PCDHGB5: variants seen among roughly 807,000 people sequenced by gnomAD.
PCDHGB5 encodes protocadherin gamma-B5.
A neutral mutation model predicts 62.9 loss-of-function variants in PCDHGB5; 48 were observed. The ratio of observed to expected loss-of-function variants is 0.76; its 90% confidence interval spans 0.61 to 0.97. The LOEUF (loss-of-function observed/expected upper bound fraction) is 0.97. Ranked by LOEUF, PCDHGB5 falls within the 50% of genes least tolerant of loss-of-function variation. PCDHGB5 has a pLI of 0.00. For synonymous variants in PCDHGB5, 474 were observed against 511.2 expected (o/e 0.93, Z 0.98); for missense variants, 1,118 against 1,198.6 (o/e 0.93, Z 0.99).
intron 1 of PCDHGB5, among the ~76,000 whole-genome samples, chr5:141,453,492 G>T (rs1046043468): frequency 6.6e-6 from 1 of 152,000 alleles, no homozygotes; most frequent in Non-Finnish European, 1.5e-5. Flanking sequence ...AAAAAAAGGT[G>T]TACTCAGAAA....
intron 1 of PCDHGB5, among the ~76,000 whole-genome samples, chr5:141,434,703 G>C (rs1198306104): frequency 6.6e-6 from 1 of 151,730 alleles, no homozygotes; most frequent in Non-Finnish European, 1.5e-5. Context: ...TAAATATGTG[G>C]GTAAATCTCT....
At position 141,400,963 on chromosome 5, in the gene PCDHGB5, ATC is replaced by A. The variant is rs563949563; in HGVS notation, c.2397+443_2397+444del. ...TTCACTGATTTCACTGGTAGTTTTC[ATC>A]TCTTTCTTATGTTCCTCATATATGC... is the stretch of plus-strand genomic sequence containing the variant. On this transcript the variant is annotated intron_variant, in intron 1 of 3. Coordinates refer to ENST00000617380, the MANE Select transcript of PCDHGB5 (RefSeq NM_018925.3). 3.8e-3 allele frequency among the ~76,000 whole-genome samples: 582 copies of A among 152,338 alleles called. 6 individuals carry two copies. Among genetic ancestry groups the A allele is most frequent in the Admixed American group, 0.011 (171 of 15,304 alleles).
intron 1 of PCDHGB5, chr5:141,428,630 C>T: frequency 5.4e-6 from 1 of 185,692 alleles, no homozygotes; most frequent in Non-Finnish European, 1.1e-5. Context: ...AGCTCTAACT[C>T]TGTTGCTCCT....
At chr5:141,461,820 A>AT (rs1458631685) in intron 1 of PCDHGB5, among the ~76,000 whole-genome samples, 5 of 147,814 alleles carry the variant, frequency 3.4e-5, no homozygotes, top group African/African-American at 7.5e-5. Context: ...CACCCAGCTA[A>AT]TTTTTTTTTC....
chr5:141,449,040 C>A (rs1333983931), intron 1 of PCDHGB5, among the ~76,000 whole-genome samples: 2 of 152,126 alleles, frequency 1.3e-5, no homozygotes, highest in Non-Finnish European at 2.9e-5. Flanking sequence ...GGATTATTAA[C>A]CAGTCTCATA....
At chr5:141,456,224 A>ACT (rs1167290500) in intron 1 of PCDHGB5, among the ~76,000 whole-genome samples, 1 of 152,034 alleles carries the variant, frequency 6.6e-6, no homozygotes, top group Non-Finnish European at 1.5e-5. Context: ...GCGATATCAA[A>ACT]CTAACTGCTG....
chr5:141,422,140 C>T (rs1275997338), intron 1 of PCDHGB5: 15 of 1,586,774 alleles, frequency 9.5e-6, no homozygotes, highest in Non-Finnish European at 1.3e-5. Flanking sequence ...AGTTCAAGTA[C>T]GGGGGTCTCT....
At chr5:141,401,721 C>T (rs2094186897) in intron 1 of PCDHGB5, among the ~76,000 whole-genome samples, 1 of 152,142 alleles carries the variant, frequency 6.6e-6, no homozygotes, top group Non-Finnish European at 1.5e-5. Flanking sequence ...AAGACAAAAA[C>T]TACTAGTCTT....
Position 141,511,464 on chromosome 5 carries a change from C to G in PCDHGB5, c.*291C>G. 1.9e-6 allele frequency: 1 copy of G among 538,254 alleles called. No individual in the cohort carries two copies. The highest frequency in any genetic ancestry group is 2.1e-5 in the South Asian group (1 of 47,028). The allele number at this position is 538,254 out of a possible 1,614,324, so 33.3% of individuals were successfully genotyped here. On this transcript the variant is annotated 3_prime_UTR_variant, in exon 4 of 4. Transcript: ENST00000617380. ...ACACCAAGAACCATTTGCCACACCC[C>G]GTTTAGTTACAGCTGAACTCCTCCA...
chr5:141,466,415 C>T (rs995296505), intron 1 of PCDHGB5, among the ~76,000 whole-genome samples: 6 of 152,136 alleles, frequency 3.9e-5, no homozygotes, highest in Non-Finnish European at 8.8e-5. Context: ...ATTTTTCAGT[C>T]AGAATTGTGT....
intron 1 of PCDHGB5, among the ~76,000 whole-genome samples, chr5:141,424,839 A>G (rs1264853498): frequency 6.6e-6 from 1 of 152,198 alleles, no homozygotes; most frequent in Non-Finnish European, 1.5e-5. Context: ...CATACATGTT[A>G]TCTGAAGCAA....
intron 1 of PCDHGB5, among the ~76,000 whole-genome samples, chr5:141,401,210 C>T (rs1038078572): frequency 3.9e-5 from 6 of 151,956 alleles, no homozygotes; most frequent in Non-Finnish European, 5.9e-5. Flanking sequence ...GGTGTGGTGG[C>T]GGGCGCCTGT....
intron 3 of PCDHGB5, among the ~76,000 whole-genome samples, chr5:141,509,596 G>A (rs538867815): frequency 1.3e-5 from 2 of 152,258 alleles, no homozygotes; most frequent in Admixed American, 6.5e-5. Context: ...TGGCAATTCC[G>A]AGAGGCTGCA....
At chr5:141,454,344 G>A (rs1455147295) in intron 1 of PCDHGB5, among the ~76,000 whole-genome samples, 3 of 152,236 alleles carry the variant, frequency 2.0e-5, no homozygotes, top group Non-Finnish European at 4.4e-5. Flanking sequence ...AATGTTGGAA[G>A]TTGATCCAAA....
rs759220286 is a variant in PCDHGB5 at position 141,490,018 on chromosome 5, C to G, written c.2398-4789C>G. The G allele has an allele frequency of 6.2e-7, 1 of 1,614,252 alleles. No individual in the cohort carries two copies. Among genetic ancestry groups the G allele is most frequent in the Non-Finnish European group, 8.5e-7 (1 of 1,180,038 alleles). ...CCCAGAGAATGCACCCATTGGTACTCTGCTGCTCCGCCTCAATGCCACTGA... is the reference window on the plus strand; with the variant it reads ...CCCAGAGAATGCACCCATTGGTACTGTGCTGCTCCGCCTCAATGCCACTGA... On this transcript the variant is annotated intron_variant, in intron 1 of 3. Transcript: ENST00000617380. This position sits in a 1 kb window ranked among gnomAD's most constrained non-coding sequence, Gnocchi z 5.4.
At chr5:141,495,719 C>T (rs929450759) in intron 2 of PCDHGB5, among the ~76,000 whole-genome samples, 12 of 152,150 alleles carry the variant, frequency 7.9e-5, no homozygotes, top group African/African-American at 2.4e-5. Context: ...AGTAACTACA[C>T]GGGACCCTTA....
At chr5:141,409,919 G>T (rs774277848) in intron 1 of PCDHGB5, 1 of 1,613,346 alleles carries the variant, frequency 6.2e-7, no homozygotes, top group Non-Finnish European at 8.5e-7. Context: ...TGACGGCTCC[G>T]CGTTCTTCGA....
chr5:141,458,597 T>C (rs940896214), intron 1 of PCDHGB5, among the ~76,000 whole-genome samples: 18 of 151,988 alleles, frequency 1.2e-4, no homozygotes, highest in Non-Finnish European at 2.4e-4. Context: ...TGGAGACGAG[T>C]CTCACTCTGT....
rs147564249 is a variant in PCDHGB5, at chr5:141,432,378, C to T, written c.2397+31854C>T. 1 of 1,614,234 alleles carries T rather than the reference C, an allele frequency of 6.2e-7. No homozygotes were observed. Among genetic ancestry groups the T allele is most frequent in the Non-Finnish European group, 8.5e-7 (1 of 1,180,044 alleles). ...GTGATGGCGCGGGACAACGGGCACCCGCCCCTCAGCAGCAACGTGTCGTTG... is the reference window on the plus strand; with the variant it reads ...GTGATGGCGCGGGACAACGGGCACCTGCCCCTCAGCAGCAACGTGTCGTTG... On this transcript the variant is annotated intron_variant, in intron 1 of 3. Coordinates refer to ENST00000617380, the MANE Select transcript of PCDHGB5 (RefSeq NM_018925.3). This position sits in a 1 kb window ranked among gnomAD's most constrained non-coding sequence, Gnocchi z 6.0.
Sources: gnomAD v4.1 joint callset for allele counts (sites outside exome capture counted in the v4.1 genomes callset) on GRCh38, gnomAD v4.1.1 for gene constraint, Gnocchi (gnomAD v3.1) non-coding constraint, MANE v1.5 for transcripts, NCBI Gene and HGNC (gene_info 2026-07-23, HGNC 2026-07-21) for gene names.